The following CNTNAP2 variants were observed in gnomAD, a reference collection of about 807,000 sequenced individuals.
The protein encoded by CNTNAP2 is contactin-associated protein-like 2.
A neutral mutation model predicts 155.2 loss-of-function variants in CNTNAP2; 98 were observed. The observed-to-expected ratio is 0.63, with a 90% CI of 0.54 to 0.75. The LOEUF (loss-of-function observed/expected upper bound fraction) is 0.75, where lower values mean the gene tolerates loss of function less well. Ranked by LOEUF, CNTNAP2 falls within the 30% of genes least tolerant of loss-of-function variation. CNTNAP2 has a pLI of 0.00. For missense variants in CNTNAP2, 1,727 were observed against 1,688.1 expected (o/e 1.02, Z -0.40); for synonymous variants, 651 against 631.2 (o/e 1.03, Z -0.47).
intron 15 of CNTNAP2, among the ~76,000 whole-genome samples, chr7:148,081,915 A>G (rs1055696351): frequency 2.0e-5 from 3 of 152,172 alleles, no homozygotes; most frequent in Non-Finnish European, 1.5e-5. Context: ...GTAACCAGAT[A>G]TAGGCTGATA....
chr7:148,099,868 G>GTTTTTTTTTTTTTTTT (rs751537152), intron 15 of CNTNAP2, among the ~76,000 whole-genome samples: 7 of 88,804 alleles, frequency 7.9e-5, no homozygotes, highest in Non-Finnish European at 1.0e-4. Flanking sequence ...TTTTTTTTTG[G>GTTTTTTTTTTTTTTTT]TTTTTTTTTT....
At chr7:146,159,948 T>C (rs1798191101) in intron 1 of CNTNAP2, among the ~76,000 whole-genome samples, 1 of 152,144 alleles carries the variant, frequency 6.6e-6, no homozygotes, top group South Asian at 2.1e-4. Context: ...TTCTTCTCAG[T>C]GCCACATCAC....
At chr7:146,362,557 C>A (rs1429606914) in intron 1 of CNTNAP2, among the ~76,000 whole-genome samples, 1 of 152,054 alleles carries the variant, frequency 6.6e-6, no homozygotes, top group Admixed American at 6.6e-5. Flanking sequence ...ATCTGAGGAA[C>A]TTCAAAAATA....
chr7:146,167,378 AAT>A (rs1380652796), intron 1 of CNTNAP2, among the ~76,000 whole-genome samples: 1 of 152,244 alleles, frequency 6.6e-6, no homozygotes, highest in Non-Finnish European at 1.5e-5. Flanking sequence ...AGATGGCCAC[AAT>A]ACTTCAGCTG....
intron 3 of CNTNAP2, among the ~76,000 whole-genome samples, chr7:146,865,951 C>T (rs1030758740): frequency 4.6e-5 from 7 of 152,234 alleles, no homozygotes; most frequent in Middle Eastern, 3.4e-3. Context: ...ATTGTCTTTG[C>T]GTCTGCTTCT....
chr7:147,255,759 T>C (rs901075701), intron 8 of CNTNAP2, among the ~76,000 whole-genome samples: 1 of 152,138 alleles, frequency 6.6e-6, no homozygotes, highest in African/African-American at 2.4e-5. Flanking sequence ...TATTTGTTTA[T>C]TTATTGAGCC....
At chr7:147,128,048 T>C (rs991861704) in intron 6 of CNTNAP2, among the ~76,000 whole-genome samples, 7 of 152,070 alleles carry the variant, frequency 4.6e-5, no homozygotes, top group South Asian at 2.1e-4. Context: ...TAAGTAGCAT[T>C]GTCTTATTTC....
At chr7:146,497,141 T>C (rs531548588) in intron 1 of CNTNAP2, among the ~76,000 whole-genome samples, 1 of 152,302 alleles carries the variant, frequency 6.6e-6, no homozygotes, top group East Asian at 1.9e-4. Context: ...TGCACCTACT[T>C]ACCACTTCTA....
In CNTNAP2 at chr7:146,116,852, A is replaced by G. The variant is rs755613342; in HGVS notation, c.-25A>G. On this transcript the variant is annotated 5_prime_UTR_variant, in exon 1 of 24. Transcript: ENST00000361727. The surrounding 1 kb of genome is among the most constrained non-coding windows in gnomAD (Gnocchi z 5.5). ...CTGCATCTCCGCAGCGAGCTCTTGG[A>G]GCGCCGCCGGCCGGGAGGCGAAGGA... The G allele has an allele frequency of 6.5e-7, 1 of 1,531,686 alleles. No homozygotes were observed. The highest frequency in any genetic ancestry group is 1.2e-5 in the South Asian group (1 of 83,550). 94.9% of individuals were successfully genotyped at this position (1,531,686 alleles called of 1,614,324 possible).
chr7:147,004,618 A>C lies in CNTNAP2; in HGVS notation c.403-39289A>C, dbSNP rs143180217. ...GGTACAATCACTTTTACAAATAGTT[A>C]AACTGTCATCGTATGGCGGAGTTGA... On this transcript the variant is annotated intron_variant, in intron 3 of 23. Coordinates refer to ENST00000361727, the MANE Select transcript of CNTNAP2 (RefSeq NM_014141.6). Among the ~76,000 whole-genome samples, 504 of 152,168 alleles carry C rather than the reference A, an allele frequency of 3.3e-3. 1 individual carries two copies. Among genetic ancestry groups the C allele is most frequent in the African/African-American group, 0.011 (476 of 41,556 alleles).
chr7:147,740,013 G>T (rs1796928978), intron 13 of CNTNAP2, among the ~76,000 whole-genome samples: 3 of 152,124 alleles, frequency 2.0e-5, no homozygotes, highest in Admixed American at 2.0e-4. Flanking sequence ...AGGTGTCTGT[G>T]TAGCTTTGAC....
rs144216321 is a variant in CNTNAP2 at position 148,405,364 on chromosome 7, G to A, written c.3716-4027G>A. Among the ~76,000 whole-genome samples, 554 of 148,336 alleles carry A rather than the reference G, an allele frequency of 3.7e-3. 4 individuals carry two copies. Among genetic ancestry groups the A allele is most frequent in the African/African-American group, 0.013 (522 of 39,746 alleles). Reference sequence around the variant, plus strand: ...TCAGGTAACTCCTTCCACTATCTCCGTATGTTCTGCTACTGTTTTTATCCG... The same window carrying A: ...TCAGGTAACTCCTTCCACTATCTCCATATGTTCTGCTACTGTTTTTATCCG... On this transcript the variant is annotated intron_variant, in intron 22 of 23. Transcript: ENST00000361727.
intron 15 of CNTNAP2, among the ~76,000 whole-genome samples, chr7:147,988,676 C>T (rs1308969595): frequency 1.3e-5 from 2 of 152,162 alleles, no homozygotes; most frequent in Non-Finnish European, 2.9e-5. Flanking sequence ...GTGCCTCTCC[C>T]TTCCTGAACT....
At chr7:146,570,153 GA>G (rs561691981) in intron 1 of CNTNAP2, among the ~76,000 whole-genome samples, 33 of 152,066 alleles carry the variant, frequency 2.2e-4, no homozygotes, top group African/African-American at 7.7e-4. Context: ...TATTACTACA[GA>G]AAAAAATTCC....
intron 21 of CNTNAP2, among the ~76,000 whole-genome samples, chr7:148,336,228 T>C (rs1372986799): frequency 6.6e-6 from 1 of 152,228 alleles, no homozygotes; most frequent in Non-Finnish European, 1.5e-5. Flanking sequence ...AGCATATAAA[T>C]ATAATTTTAT....
At chr7:148,114,885 T>A (rs1804432581) in intron 15 of CNTNAP2, among the ~76,000 whole-genome samples, 1 of 152,236 alleles carries the variant, frequency 6.6e-6, no homozygotes, top group South Asian at 2.1e-4. Flanking sequence ...GCCCCAGTGA[T>A]CACCCTTGGC....
chr7:146,894,679 C>A (rs967785550), intron 3 of CNTNAP2, among the ~76,000 whole-genome samples: 2 of 152,064 alleles, frequency 1.3e-5, no homozygotes, highest in African/African-American at 4.8e-5. Flanking sequence ...CTTGTACATA[C>A]CTCTGTAAGA....
intron 18 of CNTNAP2, among the ~76,000 whole-genome samples, chr7:148,195,367 G>T: frequency 6.6e-6 from 1 of 152,124 alleles, no homozygotes; most frequent in Middle Eastern, 3.4e-3. Flanking sequence ...TTCCATCTCT[G>T]AAAAAAATAG....
intron 21 of CNTNAP2, among the ~76,000 whole-genome samples, chr7:148,311,450 G>A: frequency 6.6e-6 from 1 of 151,580 alleles, no homozygotes; most frequent in South Asian, 2.1e-4. Flanking sequence ...CAGAGGAATG[G>A]GAATGAGAAT....
Sources: gnomAD v4.1 joint callset for allele counts (sites outside exome capture counted in the v4.1 genomes callset) on GRCh38, gnomAD v4.1.1 for gene constraint, Gnocchi (gnomAD v3.1) non-coding constraint, MANE v1.5 for transcripts, NCBI Gene and HGNC (gene_info 2026-07-23, HGNC 2026-07-21) for gene names.